Variants in WNT9A observed in about 807,000 individuals in gnomAD.
The protein encoded by WNT9A is protein Wnt-9a.
A neutral mutation model predicts 31.4 loss-of-function variants in WNT9A; 8 were observed. That is an observed-to-expected ratio of 0.26 (90% CI 0.15 to 0.46). WNT9A has a LOEUF of 0.46. WNT9A is among the 20% of genes least tolerant of loss of function. The pLI is 0.99. For synonymous variants in WNT9A, 236 were observed against 220.1 expected (o/e 1.07, Z -0.64); for missense variants, 457 against 522.9 (o/e 0.87, Z 1.23).
At position 227,942,191 on chromosome 1, in the gene WNT9A, C is replaced by T. The variant is rs1329459341; in HGVS notation, c.95+5602G>A. On this transcript the variant is annotated intron_variant, in intron 1 of 3. Transcript: ENST00000272164. This position sits in a 1 kb window ranked among gnomAD's most constrained non-coding sequence, Gnocchi z 5.7. ...GAGGCCAGCTGTCTCCCCAACCAGA[C>T]GTCCGCCGGCTGTGGACAGGACATC... is the stretch of plus-strand genomic sequence containing the variant. Among the ~76,000 whole-genome samples the T allele has an allele frequency of 1.3e-5, 2 of 152,162 alleles. No homozygotes were observed. Among genetic ancestry groups the T allele is most frequent in the African/African-American group, 2.4e-5 (1 of 41,440 alleles).
At chr1:227,940,800 G>A (rs773205757) in intron 1 of WNT9A, among the ~76,000 whole-genome samples, 8 of 152,352 alleles carry the variant, frequency 5.3e-5, no homozygotes, top group East Asian at 1.9e-4. Flanking sequence ...TTCCTCTGGC[G>A]GGCAGCGGCG....
intron 1 of WNT9A, among the ~76,000 whole-genome samples, chr1:227,929,097 C>T (rs113645192): frequency 0.014 from 2,125 of 152,118 alleles, 67 homozygotes; most frequent in African/African-American, 0.048. Flanking sequence ...AACCTACAGG[C>T]CAAGGGAAGG....
rs774237225 is a variant in WNT9A at position 227,924,310 on chromosome 1, C to T, written c.443G>A (p.Arg148His). Residue 148 changes from arginine to histidine, a missense_variant, in exon 3 of 4, where the codon CGC becomes CAC. Coordinates refer to ENST00000272164, the MANE Select transcript of WNT9A (RefSeq NM_003395.4). ...GTCGGGTGCCTCATCGCAGGTACAGCGCTCCATGCGGCCCGCGCTGCACGC... is the reference window on the plus strand; with the variant it reads ...GTCGGGTGCCTCATCGCAGGTACAGTGCTCCATGCGGCCCGCGCTGCACGC... The part of the protein sequence containing the change: ...AKACSAGRME[R>H]CTCDEAPDLE... 14 of 1,613,760 alleles carry T rather than the reference C, an allele frequency of 8.7e-6. No individual in the cohort carries two copies. Among genetic ancestry groups the T allele is most frequent in the East Asian group, 2.2e-5 (1 of 44,870 alleles).
In WNT9A at chr1:227,921,995, G is replaced by A. The variant is rs112703157; in HGVS notation, c.621C>T (p.Ile207=). The part of the protein sequence containing the change: ...FHNNLVGVKV[I]KAGVETTCKC... ...TGCAGGTGGTCTCCACCCCAGCCTT[G>A]ATCACCTGGCAGAAGGGTGCGGGAG... The change falls in exon 4 of 4, where the codon ATC becomes ATT. Residue 207 remains isoleucine, a synonymous_variant. Coordinates refer to ENST00000272164, the MANE Select transcript of WNT9A (RefSeq NM_003395.4). 4.1e-3 allele frequency: 6,570 copies of A among 1,605,262 alleles called. 233 individuals carry two copies. The African/African-American group carries it at 0.076, about 19-fold the overall frequency.
intron 1 of WNT9A, among the ~76,000 whole-genome samples, chr1:227,936,514 T>C (rs1666598015): frequency 6.6e-6 from 1 of 152,180 alleles, no homozygotes; most frequent in Non-Finnish European, 1.5e-5. Context: ...TTTGTATTTT[T>C]AGTAGAGACG....
intron 1 of WNT9A, 84 bp downstream of exon 1, chr1:227,947,709 G>A (rs1299378836): frequency 1.1e-5 from 9 of 833,404 alleles, no homozygotes; most frequent in Non-Finnish European, 1.3e-5. Flanking sequence ...CAGCCACCCC[G>A]GGTGCCTCGG....
chr1:227,924,334 G>C lies in WNT9A; in HGVS notation c.419C>G (p.Ala140Gly). Reference protein sequence around the residue: ...SAGLTHALAKACSAGRMERCT... With the variant: ...SAGLTHALAKGCSAGRMERCT... ...GCGCTCCATGCGGCCCGCGCTGCAC[G>C]CCTTGGCCAGTGCGTGCGTCAGGCC... Residue 140 changes from alanine (A) to glycine (G), a missense_variant, in exon 3 of 4, where the codon GCG becomes GGG. Ala to Gly is a moderately conservative substitution (Grantham distance 60). Coordinates refer to ENST00000272164, the MANE Select transcript of WNT9A (RefSeq NM_003395.4). 6.2e-7 allele frequency: 1 copy of C among 1,613,572 alleles called. No homozygotes were observed. Among genetic ancestry groups the C allele is most frequent in the Non-Finnish European group, 8.5e-7 (1 of 1,179,970 alleles).
Position 227,925,687 on chromosome 1 carries a change from T to C in WNT9A, c.96-168A>G, listed in dbSNP as rs906813731. On this transcript the variant is annotated intron_variant, in intron 1 of 3. Coordinates refer to ENST00000272164, the MANE Select transcript of WNT9A (RefSeq NM_003395.4). This position sits in a 1 kb window ranked among gnomAD's most constrained non-coding sequence, Gnocchi z 6.0. ...GGGGAGAGGGAGGCGAGAAGGGCCT[T>C]GGCCCCCTGCACACCCATGGCCCCC... Among the ~76,000 whole-genome samples the C allele has an allele frequency of 1.7e-4, 26 of 152,140 alleles. No homozygotes were observed. Among genetic ancestry groups the C allele is most frequent in the African/African-American group, 5.1e-4 (21 of 41,508 alleles).
intron 1 of WNT9A, among the ~76,000 whole-genome samples, chr1:227,927,541 C>T (rs1432284118): frequency 6.6e-6 from 1 of 152,284 alleles, no homozygotes; most frequent in Middle Eastern, 3.4e-3. Flanking sequence ...TGCACAGACA[C>T]CTCCAAGCCC....
rs1482135213 is a variant in WNT9A at position 227,921,437 on chromosome 1, C to T, written c.*81G>A. 1 of 1,535,316 alleles carries T rather than the reference C, an allele frequency of 6.5e-7. No homozygotes were observed. The highest frequency in any genetic ancestry group is 8.8e-7 in the Non-Finnish European group (1 of 1,139,312). On this transcript the variant is annotated 3_prime_UTR_variant, in exon 4 of 4. Coordinates refer to ENST00000272164, the MANE Select transcript of WNT9A (RefSeq NM_003395.4). ...CAGCTGGGCTGGTCGAGCCCAGGAACTCAGCCTGTGCAGGTGTAGACCCTT... is the reference window on the plus strand; with the variant it reads ...CAGCTGGGCTGGTCGAGCCCAGGAATTCAGCCTGTGCAGGTGTAGACCCTT...
At chr1:227,924,475 C>A in intron 2 of WNT9A, 75 bp from the exon 3 acceptor site, 7 of 1,528,050 alleles carry the variant, frequency 4.6e-6, no homozygotes, top group Non-Finnish European at 6.2e-6. Context: ...AGCCAAATCA[C>A]CCCAAGAGTA....
Position 227,921,995 on chromosome 1 carries a change from G to T in WNT9A, c.621C>A (p.Ile207=), listed in dbSNP as rs112703157. 1.2e-6 allele frequency: 2 copies of T among 1,605,262 alleles called. No homozygotes were observed. The highest frequency in any genetic ancestry group is 1.3e-5 in the African/African-American group (1 of 74,930). Residue 207 remains isoleucine (I), a synonymous_variant, in exon 4 of 4, where the codon ATC becomes ATA. Coordinates refer to ENST00000272164, the MANE Select transcript of WNT9A (RefSeq NM_003395.4). Reference sequence around the variant, plus strand: ...TGCAGGTGGTCTCCACCCCAGCCTTGATCACCTGGCAGAAGGGTGCGGGAG... The same window carrying T: ...TGCAGGTGGTCTCCACCCCAGCCTTTATCACCTGGCAGAAGGGTGCGGGAG... ...FHNNLVGVKV[I]KAGVETTCKC... is the part of the protein sequence containing the mutation.
At chr1:227,936,617 G>A (rs1437682243) in intron 1 of WNT9A, among the ~76,000 whole-genome samples, 1 of 149,478 alleles carries the variant, frequency 6.7e-6, no homozygotes, top group Non-Finnish European at 1.5e-5. Context: ...TTACAGGCAT[G>A]AGCCACTGCA....
chr1:227,942,098 G>A lies in WNT9A; in HGVS notation c.95+5695C>T, dbSNP rs767167024. On this transcript the variant is annotated intron_variant, in intron 1 of 3. Coordinates refer to ENST00000272164, the MANE Select transcript of WNT9A (RefSeq NM_003395.4). This position sits in a 1 kb window ranked among gnomAD's most constrained non-coding sequence, Gnocchi z 5.7. Reference sequence around the variant, plus strand: ...CCCAGCCCGGGCCACCCCAGCAGCCGGCGGAAGGTCCCAGGCCAGGGCAGG... The same window carrying A: ...CCCAGCCCGGGCCACCCCAGCAGCCAGCGGAAGGTCCCAGGCCAGGGCAGG... Among the ~76,000 whole-genome samples, 12 of 152,136 alleles carry A rather than the reference G, an allele frequency of 7.9e-5. No individual in the cohort carries two copies. Among genetic ancestry groups the A allele is most frequent in the Non-Finnish European group, 1.3e-4 (9 of 68,002 alleles).
At chr1:227,940,453 T>A (rs930082559) in intron 1 of WNT9A, among the ~76,000 whole-genome samples, 24 of 152,020 alleles carry the variant, frequency 1.6e-4, no homozygotes, top group African/African-American at 5.3e-4. Context: ...CAGTGTCACC[T>A]CCCACACTGT....
intron 1 of WNT9A, among the ~76,000 whole-genome samples, chr1:227,933,026 A>G (rs1199282108): frequency 6.6e-6 from 1 of 152,218 alleles, no homozygotes; most frequent in African/African-American, 2.4e-5. Flanking sequence ...CAAGAGAGTC[A>G]CCCTGTCCTT....
rs776799629 is a variant in WNT9A at position 227,925,250 on chromosome 1, C to T, written c.352+13G>A. On this transcript the variant is annotated intron_variant, in intron 2 of 3. Coordinates refer to ENST00000272164, the MANE Select transcript of WNT9A (RefSeq NM_003395.4). The surrounding 1 kb of genome is among the most constrained non-coding windows in gnomAD (Gnocchi z 6.0). ...TCTGGGGCCTTCCTGAGGGCCAGGCCGGCCACACTCACCTCGCTTGAGCAG... is the reference window on the plus strand; with the variant it reads ...TCTGGGGCCTTCCTGAGGGCCAGGCTGGCCACACTCACCTCGCTTGAGCAG... The T allele has an allele frequency of 1.9e-5, 29 of 1,531,146 alleles. No homozygotes were observed. The highest frequency in any genetic ancestry group is 7.2e-5 in the East Asian group (3 of 41,800). 94.8% of individuals were successfully genotyped at this position (1,531,146 alleles called of 1,614,324 possible). A position where few individuals can be genotyped will look rare whatever the true frequency, so the allele number is the denominator to read the frequency against.
chr1:227,936,000 A>G (rs1666589450), intron 1 of WNT9A, among the ~76,000 whole-genome samples: 1 of 152,162 alleles, frequency 6.6e-6, no homozygotes, highest in African/African-American at 2.4e-5. Context: ...TTTATCAGTC[A>G]GCACTACCTC....
rs1666318557 is a variant in WNT9A at position 227,921,741 on chromosome 1, A to G, written c.875T>C (p.Leu292Pro). The change falls in exon 4 of 4, where the codon CTG (leucine) becomes CCG (proline). Residue 292 changes from leucine to proline, a missense_variant. Physicochemically the swap from Leu to Pro is moderately conservative, Grantham distance 98. Transcript: ENST00000272164. ...PLPRTPELVHLDDSPSFCLAG... is the reference protein window; with the variant it reads ...PLPRTPELVHPDDSPSFCLAG... Reference sequence around the variant, plus strand: ...CAGGCAGAAGCTAGGCGAGTCATCCAGGTGCACCAGCTCTGGAGTGCGGGG... The same window carrying G: ...CAGGCAGAAGCTAGGCGAGTCATCCGGGTGCACCAGCTCTGGAGTGCGGGG... 6.2e-7 allele frequency: 1 copy of G among 1,612,580 alleles called. No individual in the cohort carries two copies. Among genetic ancestry groups the G allele is most frequent in the Non-Finnish European group, 8.5e-7 (1 of 1,179,790 alleles).
Sources: allele counts gnomAD v4.1 joint callset (sites outside exome capture counted in the v4.1 genomes callset), GRCh38; gene constraint gnomAD v4.1.1; non-coding constraint Gnocchi (gnomAD v3.1); transcripts MANE v1.5; gene names NCBI Gene and HGNC (gene_info 2026-07-23, HGNC 2026-07-21).